The following PPP6R3 variants were observed in gnomAD, a reference collection of about 807,000 sequenced individuals.
The protein encoded by PPP6R3 is protein phosphatase 6 regulatory subunit 3, also known as serine/threonine-protein phosphatase 6 regulatory subunit 3.
PPP6R3 carries 38 observed loss-of-function variants against 110.7 expected under a neutral mutation model. The observed-to-expected ratio is 0.34, with a 90% CI of 0.26 to 0.45. PPP6R3 has a LOEUF of 0.45. Among genes scored for constraint, PPP6R3 ranks in the 20% least tolerant of loss-of-function variants. The probability of loss-of-function intolerance (pLI) is 1.00; values close to 1 mark genes in which losing one functional copy is unlikely to be tolerated. For synonymous variants in PPP6R3, 369 were observed against 373.5 expected (o/e 0.99, Z 0.14); for missense variants, 870 against 1,062.4 (o/e 0.82, Z 2.52).
rs114859168 is a variant in PPP6R3 at position 68,550,086 on chromosome 11, C to G, written c.553-1035C>G. On this transcript the variant is annotated intron_variant, in intron 5 of 23. Coordinates refer to ENST00000393800, the MANE Select transcript of PPP6R3 (RefSeq NM_001164161.2). ...AATGGTCCTAGACATCACTTGTGAG[C>G]TTGTTAGAGATCTGTAATCTCAGGT... 1.7e-3 allele frequency among the ~76,000 whole-genome samples: 257 copies of G among 152,316 alleles called. 2 individuals carry two copies. Among genetic ancestry groups the G allele is most frequent in the African/African-American group, 6.0e-3 (250 of 41,552 alleles).
At chr11:68,510,887 CCA>C (rs2099105299) in intron 1 of PPP6R3, among the ~76,000 whole-genome samples, 1 of 152,082 alleles carries the variant, frequency 6.6e-6, no homozygotes. Context: ...TTAGTTCTAA[CCA>C]GTGTCTATTG....
Position 68,609,979 on chromosome 11 carries a change from G to A in PPP6R3, c.2526G>A (p.Ala842=), listed in dbSNP as rs563436180. Residue 842 remains alanine (A), a synonymous_variant, in exon 23 of 24, where the codon GCG becomes GCA. Coordinates refer to ENST00000393800, the MANE Select transcript of PPP6R3 (RefSeq NM_001164161.2). ...AGGAGTGTCCCGAGACTGCAGAGGC[G>A]AAGTGCGCGGCGCCCAGGCCTCCCA... ...DAEECPETAE[A]KCAAPRPPSS... is the part of the protein sequence containing the mutation. 8.7e-6 allele frequency: 14 copies of A among 1,614,156 alleles called. No individual in the cohort carries two copies. In the African/African-American group the frequency reaches 1.2e-4, roughly 14 times the overall value.
In PPP6R3 at chr11:68,528,437, G is replaced by C. The variant is rs965146266; in HGVS notation, c.-7+8786G>C. 3.9e-4 allele frequency among the ~76,000 whole-genome samples: 55 copies of C among 140,220 alleles called. 1 individual carries two copies. The highest frequency in any genetic ancestry group is 1.9e-4 in the Non-Finnish European group (12 of 64,516). The allele number at this position is 140,220 out of a possible 152,430, so 92.0% of individuals were successfully genotyped here. A position where few individuals can be genotyped will look rare whatever the true frequency, so the allele number is the denominator to read the frequency against. ...ATTTGATTTAATTTGTGTGTGTGGG[G>C]GGGGGGGCTGCACCTTTATGAAATT... On this transcript the variant is annotated intron_variant, in intron 2 of 23. Coordinates refer to ENST00000393800, the MANE Select transcript of PPP6R3 (RefSeq NM_001164161.2).
chr11:68,464,293 G>T (rs905328894), intron 1 of PPP6R3, among the ~76,000 whole-genome samples: 1 of 151,960 alleles, frequency 6.6e-6, no homozygotes, highest in Non-Finnish European at 1.5e-5. Flanking sequence ...CACCATGCCC[G>T]GCTGTTTTTT....
intron 19 of PPP6R3, among the ~76,000 whole-genome samples, chr11:68,599,983 G>A (rs1192124619): frequency 2.6e-5 from 4 of 152,216 alleles, no homozygotes; most frequent in Non-Finnish European, 2.9e-5. Context: ...TTAGCCAGGC[G>A]TGATGGCGGG....
At chr11:68,594,351 A>AGAGAGAGAGT (rs1555195105) in intron 18 of PPP6R3, among the ~76,000 whole-genome samples, 41 of 147,214 alleles carry the variant, frequency 2.8e-4, no homozygotes, top group Admixed American at 7.3e-4. Context: ...AGAGAGTGAG[A>AGAGAGAGAGT]GAGAGAGAGA....
chr11:68,569,355 A>G (rs935645286), intron 10 of PPP6R3, among the ~76,000 whole-genome samples: 1 of 152,186 alleles, frequency 6.6e-6, no homozygotes, highest in Non-Finnish European at 1.5e-5. Flanking sequence ...CGAACCCTAT[A>G]TATACTATGT....
intron 15 of PPP6R3, among the ~76,000 whole-genome samples, chr11:68,583,936 C>T (rs1220332017): frequency 6.6e-6 from 1 of 152,146 alleles, no homozygotes; most frequent in Non-Finnish European, 1.5e-5. Context: ...TTTTTAGTCT[C>T]TAAGCTTCGT....
intron 8 of PPP6R3, among the ~76,000 whole-genome samples, chr11:68,560,448 C>G (rs1193967896): frequency 2.6e-5 from 4 of 152,180 alleles, no homozygotes; most frequent in Admixed American, 2.0e-4. Context: ...TAAACAGATT[C>G]AGCAGTTTAT....
intron 18 of PPP6R3, among the ~76,000 whole-genome samples, chr11:68,592,383 C>T (rs376247703): frequency 2.0e-5 from 3 of 152,122 alleles, no homozygotes; most frequent in Admixed American, 6.5e-5. Flanking sequence ...AATGTTTTCA[C>T]GTGGCCTAGA....
intron 9 of PPP6R3, 135 bp downstream of exon 9, chr11:68,564,567 C>G: frequency 1.1e-6 from 1 of 949,926 alleles, no homozygotes; most frequent in South Asian, 2.1e-5. Flanking sequence ...GATAACACTG[C>G]CAGTGATTTT....
At chr11:68,506,324 T>G (rs1195651059) in intron 1 of PPP6R3, among the ~76,000 whole-genome samples, 2 of 145,510 alleles carry the variant, frequency 1.4e-5, no homozygotes, top group East Asian at 2.1e-4. Context: ...CAGGCTGATC[T>G]CTAAGTCCTG....
intron 1 of PPP6R3, among the ~76,000 whole-genome samples, chr11:68,470,531 CTGAG>C (rs1407973612): frequency 6.6e-6 from 1 of 152,174 alleles, no homozygotes; most frequent in Non-Finnish European, 1.5e-5. Flanking sequence ...GTCTTTTTCT[CTGAG>C]TGAGATGGGT....
intron 1 of PPP6R3, among the ~76,000 whole-genome samples, chr11:68,508,310 T>C (rs1191183682): frequency 6.6e-6 from 1 of 151,860 alleles, no homozygotes; most frequent in African/African-American, 2.4e-5. Context: ...TTTTGTATTT[T>C]TAGTAGAGAC....
intron 2 of PPP6R3, among the ~76,000 whole-genome samples, chr11:68,528,686 G>A (rs55827701): frequency 0.039 from 5,967 of 152,234 alleles, 181 homozygotes; most frequent in Non-Finnish European, 0.063. Flanking sequence ...TAACTTCCGT[G>A]GGAGTGACTC....
Position 68,603,430 on chromosome 11 carries a change from C to T in PPP6R3, c.2388C>T (p.Gly796=), listed in dbSNP as rs563005506. Residue 796 remains glycine (G), a synonymous_variant, in exon 22 of 24, where the codon GGC becomes GGT. Coordinates refer to ENST00000393800, the MANE Select transcript of PPP6R3 (RefSeq NM_001164161.2). ...AGGTAACTGAGACAGTGATGAATGGCGGCATGAAGGAAACGCTCAGCCTCA... is the reference window on the plus strand; with the variant it reads ...AGGTAACTGAGACAGTGATGAATGGTGGCATGAAGGAAACGCTCAGCCTCA... The part of the protein sequence containing the change: ...TDKVTETVMN[G]GMKETLSLTV... The T allele has an allele frequency of 2.5e-5, 41 of 1,614,028 alleles. No homozygotes were observed. Among genetic ancestry groups the T allele is most frequent in the East Asian group, 2.0e-4 (9 of 44,872 alleles).
Position 68,591,629 on chromosome 11 carries a change from T to A in PPP6R3, c.1839T>A (p.Asp613Glu), listed in dbSNP as rs746889933. The change falls in exon 18 of 24, where the codon GAT becomes GAA. Residue 613 changes from aspartate (D) to glutamate (E), a missense_variant. Physicochemically the swap from Asp to Glu is conservative, Grantham distance 45. Transcript: ENST00000393800. Reference sequence around the variant, plus strand: ...GTAAGGAAAGAATACAACAGTTTGATGATGGTGGCTCTGATGAGGAAGATA... The same window carrying A: ...GTAAGGAAAGAATACAACAGTTTGAAGATGGTGGCTCTGATGAGGAAGATA... ...ACCKERIQQF[D>E]DGGSDEEDIW... The A allele has an allele frequency of 3.1e-6, 5 of 1,613,246 alleles. No individual in the cohort carries two copies. Among genetic ancestry groups the A allele is most frequent in the African/African-American group, 1.3e-5 (1 of 75,060 alleles).
chr11:68,489,827 A>G (rs373495452), intron 1 of PPP6R3, among the ~76,000 whole-genome samples: 46 of 151,996 alleles, frequency 3.0e-4, no homozygotes, highest in African/African-American at 1.1e-3. Flanking sequence ...CTTTTTTGCG[A>G]TAGTCTGGAA....
chr11:68,568,512 T>C (rs186339039), intron 10 of PPP6R3, among the ~76,000 whole-genome samples: 19 of 152,300 alleles, frequency 1.2e-4, no homozygotes, highest in Non-Finnish European at 2.6e-4. Context: ...TTTTAGAAAT[T>C]CTTTCCCTTT....
Sources: allele counts gnomAD v4.1 joint callset (sites outside exome capture counted in the v4.1 genomes callset), GRCh38; gene constraint gnomAD v4.1.1; transcripts MANE v1.5; gene names NCBI Gene and HGNC (gene_info 2026-07-23, HGNC 2026-07-21).